ERI1: variants seen among roughly 807,000 people sequenced by gnomAD.
ERI1 encodes exoribonuclease 1.
In ERI1, 39 loss-of-function variants were observed where a neutral mutation model predicts 39.7. The ratio of observed to expected loss-of-function variants is 0.98; its 90% CI spans 0.76 to 1.28. ERI1 has a LOEUF of 1.28. ERI1 is among the 50% of genes most tolerant of loss of function. The pLI, the probability that ERI1 is intolerant of heterozygous loss-of-function variation, is 0.00. For missense variants in ERI1, 581 were observed against 416.9 expected (o/e 1.39, Z -3.43); for synonymous variants, 204 against 149.6 (o/e 1.36, Z -2.65).
chr8:9,097,538 G>C (rs1324467208), intron 3 of ERI1, among the ~76,000 whole-genome samples: 1 of 152,050 alleles, frequency 6.6e-6, no homozygotes, highest in Non-Finnish European at 1.5e-5. Context: ...ACACGGTGGC[G>C]TGCGCCTGTA....
At chr8:9,088,976 G>A (rs578170841) in intron 3 of ERI1, among the ~76,000 whole-genome samples, 69 of 152,318 alleles carry the variant, frequency 4.5e-4, no homozygotes, top group Middle Eastern at 3.4e-3. Flanking sequence ...GGGTTAGCAC[G>A]TACAGTGTTA....
rs892538986 is a variant in ERI1, at chr8:9,061,777, G to A, written n.299+41313G>A. The stretch of plus-strand genomic sequence containing the variant: ...ACAGATGAGGAAGACATTTGGGCTT[G>A]ACTGAAGTAATGGGTGCTGTCCGTG... On this transcript the variant is annotated intron_variant and non_coding_transcript_variant, in intron 3 of 3. Transcript: ENST00000518663. Among the ~76,000 whole-genome samples, 4 of 151,562 alleles carry A rather than the reference G, an allele frequency of 2.6e-5. 1 individual carries two copies. Among genetic ancestry groups the A allele is most frequent in the Non-Finnish European group, 5.9e-5 (4 of 67,862 alleles).
intron 3 of ERI1, among the ~76,000 whole-genome samples, chr8:9,072,216 C>G (rs974460942): frequency 1.3e-5 from 2 of 152,144 alleles, no homozygotes; most frequent in Non-Finnish European, 2.9e-5. Context: ...TTGGTTTTAC[C>G]TCATAGCCCT....
chr8:9,027,814 T>C (rs1797293621), intron 6 of ERI1, among the ~76,000 whole-genome samples: 1 of 152,228 alleles, frequency 6.6e-6, no homozygotes, highest in Non-Finnish European at 1.5e-5. Flanking sequence ...TTTGTATGTC[T>C]ATACTAATAC....
intron 3 of ERI1, among the ~76,000 whole-genome samples, chr8:9,075,595 G>C (rs2117438173): frequency 6.7e-6 from 1 of 149,814 alleles, no homozygotes; most frequent in South Asian, 2.1e-4. Flanking sequence ...GCATTTTGTT[G>C]TTGTTGTTGC....
chr8:9,016,764 C>A (rs910387186), intron 4 of ERI1, among the ~76,000 whole-genome samples: 4 of 152,214 alleles, frequency 2.6e-5, no homozygotes, highest in African/African-American at 9.6e-5. Flanking sequence ...CGGCTCACTG[C>A]AGCCTCTGCC....
At chr8:9,020,786 C>T (rs571443912) in intron 6 of ERI1, among the ~76,000 whole-genome samples, 3 of 152,236 alleles carry the variant, frequency 2.0e-5, no homozygotes, top group Non-Finnish European at 2.9e-5. Flanking sequence ...AGTTAATATG[C>T]GTGTGCCGTG....
chr8:9,004,078 C>A, intron 1 of ERI1: 3 of 1,289,270 alleles, frequency 2.3e-6, no homozygotes, highest in South Asian at 2.5e-5. Context: ...TCCCAGTGCC[C>A]CTCGCTGCCT....
At chr8:9,037,574 T>G (rs114388240), downstream of ERI1, among the ~76,000 whole-genome samples, 1,628 of 152,152 alleles carry the variant, frequency 0.011, 27 homozygotes, top group African/African-American at 0.038. Flanking sequence ...CTCAAGAACC[T>G]AAGACACAAT....
intron 3 of ERI1, among the ~76,000 whole-genome samples, chr8:9,040,091 T>G (rs1017528416): frequency 3.3e-5 from 5 of 152,206 alleles, no homozygotes; most frequent in African/African-American, 1.2e-4. Flanking sequence ...GTTGAAAAAG[T>G]AACTTAGAAG....
At chr8:9,052,462 T>A (rs1443089046) in intron 3 of ERI1, among the ~76,000 whole-genome samples, 1 of 152,066 alleles carries the variant, frequency 6.6e-6, no homozygotes, top group African/African-American at 2.4e-5. Context: ...GAGCACTGAG[T>A]CTCTGGGATT....
chr8:9,060,313 C>T (rs1336289405), intron 3 of ERI1, among the ~76,000 whole-genome samples: 2 of 152,090 alleles, frequency 1.3e-5, no homozygotes, highest in Non-Finnish European at 2.9e-5. Flanking sequence ...AGACCTCTAC[C>T]CATCCAGTGA....
In ERI1 at chr8:9,098,531, A is replaced by C. The variant is rs115289084; in HGVS notation, n.300-17817A>C. ...AGTGAGACTCCATCTCAACAACAAT[A>C]ACAAAAAGAAGGATACAGTGGGCTT... On this transcript the variant is annotated intron_variant and non_coding_transcript_variant, in intron 3 of 3. Transcript: ENST00000518663. Among the ~76,000 whole-genome samples, 883 of 152,208 alleles carry C rather than the reference A, an allele frequency of 5.8e-3. 5 individuals carry two copies. The highest frequency in any genetic ancestry group is 0.02 in the African/African-American group (840 of 41,526).
At chr8:9,082,553 G>A (rs973614187) in intron 3 of ERI1, among the ~76,000 whole-genome samples, 1 of 152,156 alleles carries the variant, frequency 6.6e-6, no homozygotes, top group Non-Finnish European at 1.5e-5. Context: ...TGCAACAGCA[G>A]GAATGATCTG....
chr8:9,023,769 CA>C (rs754601448), intron 6 of ERI1, among the ~76,000 whole-genome samples: 14 of 129,246 alleles, frequency 1.1e-4, no homozygotes, highest in Non-Finnish European at 1.9e-4. Context: ...TGTCTAAAAA[CA>C]TTTTTTTTTT....
At chr8:9,058,654 T>A (rs1238730756) in intron 3 of ERI1, among the ~76,000 whole-genome samples, 2 of 152,188 alleles carry the variant, frequency 1.3e-5, no homozygotes, top group African/African-American at 2.4e-5. Flanking sequence ...CTTAATTGAA[T>A]TGGCATAGGT....
intron 3 of ERI1, among the ~76,000 whole-genome samples, chr8:9,013,860 C>A (rs1412976868): frequency 6.6e-6 from 1 of 152,126 alleles, no homozygotes; most frequent in Non-Finnish European, 1.5e-5. Flanking sequence ...TTGGCTCTGC[C>A]TTCAAAATAT....
chr8:9,026,331 CA>C (rs1279627555), intron 6 of ERI1, among the ~76,000 whole-genome samples: 1 of 152,182 alleles, frequency 6.6e-6, no homozygotes, highest in Non-Finnish European at 1.5e-5. Flanking sequence ...GCACAACCAT[CA>C]CCACATCATT....
chr8:9,048,869 C>G (rs943187299), intron 3 of ERI1, among the ~76,000 whole-genome samples: 5 of 151,934 alleles, frequency 3.3e-5, no homozygotes, highest in Non-Finnish European at 5.9e-5. Context: ...TGGTCTTGAA[C>G]TCCTGGGCTC....
Sources: gnomAD v4.1 joint callset for allele counts (sites outside exome capture counted in the v4.1 genomes callset) on GRCh38, gnomAD v4.1.1 for gene constraint, MANE v1.5 for transcripts, NCBI Gene and HGNC (gene_info 2026-07-23, HGNC 2026-07-21) for gene names.